The following PACRG variants were observed in gnomAD, a reference collection of about 807,000 sequenced individuals.
The protein encoded by PACRG is parkin coregulated gene protein.
In PACRG, 29 loss-of-function variants were observed where a neutral mutation model predicts 29.7. The ratio of observed to expected loss-of-function variants is 0.98; its 90% CI spans 0.73 to 1.33. The LOEUF is 1.33. Among genes scored for constraint, PACRG ranks in the 40% most tolerant of loss-of-function variants. The pLI, the probability that PACRG is intolerant of heterozygous loss-of-function variation, is 0.00. For missense variants in PACRG, 279 were observed against 316.2 expected, an observed-to-expected ratio of 0.88 and a Z score of 0.89; for synonymous variants, 116 against 118.7, an observed-to-expected ratio of 0.98 and a Z score of 0.15.
intron 2 of PACRG, among the ~76,000 whole-genome samples, chr6:163,036,443 G>A (rs62427571): frequency 0.021 from 3,201 of 152,206 alleles, 155 homozygotes; most frequent in East Asian, 0.18. Flanking sequence ...AATAAGCTGC[G>A]CCTTGTTTGA....
chr6:163,180,744 G>A (rs1211371621), intron 4 of PACRG, among the ~76,000 whole-genome samples: 3 of 152,020 alleles, frequency 2.0e-5, no homozygotes, highest in Admixed American at 6.5e-5. Context: ...CAAACATGTA[G>A]AGGCCAAAAA....
At chr6:163,173,336 A>G (rs953507252) in intron 4 of PACRG, among the ~76,000 whole-genome samples, 5 of 152,224 alleles carry the variant, frequency 3.3e-5, no homozygotes, top group African/African-American at 9.6e-5. Flanking sequence ...CCAATTAAAA[A>G]CAAATTAGAA....
At chr6:162,894,204 C>T (rs534492269) in intron 2 of PACRG, among the ~76,000 whole-genome samples, 1 of 152,166 alleles carries the variant, frequency 6.6e-6, no homozygotes, top group Non-Finnish European at 1.5e-5. Flanking sequence ...AAGCCCAGAA[C>T]CATGATCTGG....
intron 3 of PACRG, among the ~76,000 whole-genome samples, chr6:163,076,179 C>A (rs1812521354): frequency 6.6e-6 from 1 of 152,142 alleles, no homozygotes; most frequent in Non-Finnish European, 1.5e-5. Flanking sequence ...TGGACACAGA[C>A]CCCAAACCTT....
intron 4 of PACRG, among the ~76,000 whole-genome samples, chr6:163,274,773 T>C (rs904314362): frequency 2.6e-5 from 4 of 152,238 alleles, no homozygotes; most frequent in African/African-American, 9.6e-5. Context: ...TCCTCTTTGA[T>C]GTAGAAGTTG....
chr6:162,755,047 C>T (rs552441696), intron 1 of PACRG, among the ~76,000 whole-genome samples: 7 of 152,184 alleles, frequency 4.6e-5, no homozygotes, highest in African/African-American at 1.7e-4. Context: ...GGAATTTATC[C>T]GTTTCTTCTA....
intron 2 of PACRG, among the ~76,000 whole-genome samples, chr6:162,826,426 A>G (rs1034726388): frequency 1.5e-4 from 22 of 148,108 alleles, no homozygotes; most frequent in African/African-American, 5.5e-4. Context: ...TTTTGTTCCT[A>G]TTTCAGTACT....
At chr6:162,935,414 A>T (rs1584797137) in intron 2 of PACRG, among the ~76,000 whole-genome samples, 4 of 129,784 alleles carry the variant, frequency 3.1e-5, no homozygotes, top group African/African-American at 5.8e-5. Context: ...TTTTTTGACT[A>T]CGTAATTTTA....
intron 4 of PACRG, among the ~76,000 whole-genome samples, chr6:163,118,202 C>T (rs1816105369): frequency 6.6e-6 from 1 of 152,242 alleles, no homozygotes; most frequent in Non-Finnish European, 1.5e-5. Context: ...TGCCACCTAC[C>T]TACCCATTAG....
chr6:163,291,229 G>A (rs1382249830), intron 4 of PACRG, among the ~76,000 whole-genome samples: 1 of 138,506 alleles, frequency 7.2e-6, no homozygotes, highest in East Asian at 2.1e-4. Flanking sequence ...CCCTCTGCCC[G>A]CCAGAGCTGG....
intron 4 of PACRG, among the ~76,000 whole-genome samples, chr6:163,254,543 C>T (rs941063867): frequency 2.6e-5 from 4 of 152,216 alleles, no homozygotes; most frequent in East Asian, 1.9e-4. Flanking sequence ...TTCTTCAGCT[C>T]GCGAGTGGGC....
At chr6:162,748,790 C>A (rs1781292744) in intron 1 of PACRG, among the ~76,000 whole-genome samples, 1 of 152,130 alleles carries the variant, frequency 6.6e-6, no homozygotes, top group South Asian at 2.1e-4. Flanking sequence ...CATTTCAAAT[C>A]TCTACGTATT....
intron 4 of PACRG, among the ~76,000 whole-genome samples, chr6:163,301,586 T>C (rs1785004743): frequency 6.6e-6 from 1 of 152,170 alleles, no homozygotes; most frequent in South Asian, 2.1e-4. Flanking sequence ...AAGCAGTTGC[T>C]CTTTAAAAGT....
At chr6:162,760,274 A>G (rs1782245628) in intron 1 of PACRG, among the ~76,000 whole-genome samples, 1 of 152,156 alleles carries the variant, frequency 6.6e-6, no homozygotes, top group African/African-American at 2.4e-5. Context: ...TCTACATGGG[A>G]CATCAACATC....
At chr6:163,244,395 A>G (rs911786886) in intron 4 of PACRG, among the ~76,000 whole-genome samples, 1 of 152,112 alleles carries the variant, frequency 6.6e-6, no homozygotes, top group African/African-American at 2.4e-5. Flanking sequence ...CGTGTGCTAA[A>G]CTTTACAAGC....
chr6:163,117,363 G>A (rs570285043), intron 4 of PACRG, among the ~76,000 whole-genome samples: 83 of 152,310 alleles, frequency 5.4e-4, no homozygotes, highest in Non-Finnish European at 8.4e-4. Context: ...CCAGCCACTG[G>A]GGAGGTTTCC....
At chr6:163,303,789 A>AC (rs1221923983) in intron 4 of PACRG, among the ~76,000 whole-genome samples, 1 of 151,990 alleles carries the variant, frequency 6.6e-6, no homozygotes, top group African/African-American at 2.4e-5. Flanking sequence ...CGGGGGGATC[A>AC]CCTGAGGTCA....
chr6:163,198,300 A>C (rs1780558273), intron 4 of PACRG, among the ~76,000 whole-genome samples: 2 of 151,366 alleles, frequency 1.3e-5, no homozygotes, highest in Admixed American at 1.3e-4. Flanking sequence ...CAGTAAGTTA[A>C]AAAATATTCA....
intron 1 of PACRG, among the ~76,000 whole-genome samples, chr6:162,733,712 C>T (rs535004717): frequency 1.8e-4 from 28 of 152,258 alleles, no homozygotes; most frequent in Non-Finnish European, 3.1e-4. Context: ...GTTAGTGCCA[C>T]GCCTTTGCCC....
Sources: allele counts gnomAD v4.1 joint callset (sites outside exome capture counted in the v4.1 genomes callset), GRCh38; gene constraint gnomAD v4.1.1; transcripts MANE v1.5; gene names NCBI Gene and HGNC (gene_info 2026-07-23, HGNC 2026-07-21).